The following FDFT1 variants were observed in gnomAD, a reference collection of about 807,000 sequenced individuals.
FDFT1 encodes the protein farnesyl-diphosphate farnesyltransferase 1, also known as squalene synthase.
FDFT1 carries 68 observed loss-of-function variants against 46.8 expected under a neutral mutation model. The ratio of observed to expected loss-of-function variants is 1.45; its 90% CI spans 1.19 to 1.78. The LOEUF (loss-of-function observed/expected upper bound fraction) is 1.78, where lower values mean the gene tolerates loss of function less well. FDFT1 is among the 40% of genes most tolerant of loss of function. FDFT1 has a pLI of 0.00. For synonymous variants in FDFT1, 351 were observed against 185.1 expected, an observed-to-expected ratio of 1.90 and a Z score of -7.28; for missense variants, 928 against 524.4, an observed-to-expected ratio of 1.77 and a Z score of -7.52.
upstream of FDFT1, chr8:11,802,458 A>C: frequency 2.1e-6 from 1 of 465,432 alleles, no homozygotes; most frequent in Non-Finnish European, 4.3e-6. Context: ...CAGCCGGGGT[A>C]AGCGGAAGAA....
chr8:11,831,942 A>G (rs900662871), intron 7 of FDFT1: 2 of 339,032 alleles, frequency 5.9e-6, no homozygotes, highest in Admixed American at 4.4e-5. Flanking sequence ...TTTGAGCTGC[A>G]AGATGATGCA....
At chr8:11,798,765 G>A (rs901882001), upstream of FDFT1, among the ~76,000 whole-genome samples, 5 of 152,348 alleles carry the variant, frequency 3.3e-5, no homozygotes, top group Non-Finnish European at 5.9e-5. Flanking sequence ...CATTGAGCCA[G>A]TATGTGCTGG....
intron 5 of FDFT1, among the ~76,000 whole-genome samples, chr8:11,828,163 C>T (rs1810272694): frequency 2.0e-5 from 3 of 152,226 alleles, no homozygotes; most frequent in Admixed American, 1.3e-4. Context: ...TGGCACACCC[C>T]TATAGTTCTC....
At chr8:11,821,233 T>G (rs1378962698) in intron 3 of FDFT1, among the ~76,000 whole-genome samples, 2 of 152,270 alleles carry the variant, frequency 1.3e-5, no homozygotes, top group African/African-American at 4.8e-5. Flanking sequence ...GAATCTTCTT[T>G]TGAATCTAGA....
In FDFT1 at chr8:11,830,226, A is replaced by C. The variant is rs754736055; in HGVS notation, c.703-18A>C. On this transcript the variant is annotated intron_variant, in intron 5 of 7. Coordinates refer to ENST00000220584, the MANE Select transcript of FDFT1 (RefSeq NM_004462.5). ...TATGCACACGCTGACCTGTTCCTTA[A>C]TCTTCTTATCTGTCTAGGTTTGGAG... 1.9e-6 allele frequency: 3 copies of C among 1,605,622 alleles called. No individual in the cohort carries two copies. Among genetic ancestry groups the C allele is most frequent in the Non-Finnish European group, 8.5e-7 (1 of 1,172,324 alleles).
Position 11,837,209 on chromosome 8 carries a change from C to T in FDFT1, c.1033-1179C>T, listed in dbSNP as rs78788327. Among the ~76,000 whole-genome samples the T allele has an allele frequency of 4.4e-3, 673 of 152,294 alleles. 9 individuals are homozygous for T. Among genetic ancestry groups the T allele is most frequent in the African/African-American group, 0.016 (644 of 41,534 alleles). ...GTGCAGCAGCATCGCATGGGCGAAA[C>T]AACAGTAGACAGTTGTTCTTTTGTT... is the stretch of plus-strand genomic sequence containing the variant. On this transcript the variant is annotated intron_variant, in intron 7 of 7. Coordinates refer to ENST00000220584, the MANE Select transcript of FDFT1 (RefSeq NM_004462.5).
Position 11,830,395 on chromosome 8 carries a change from T to C in FDFT1, c.854T>C (p.Val285Ala). Residue 285 changes from valine (V) to alanine (A), a missense_variant, in exon 6 of 8, where the codon GTG becomes GCG. Transcript: ENST00000220584. ...CTTTCGAGACTCAGAAACCAGAGTG[T>C]GTTTAACTTCTGTGCTATTCCACAG... The part of the protein sequence containing the change: ...TYLSRLRNQS[V>A]FNFCAIPQVM... 1.9e-6 allele frequency: 3 copies of C among 1,613,712 alleles called. No homozygotes were observed. Among genetic ancestry groups the C allele is most frequent in the Non-Finnish European group, 2.5e-6 (3 of 1,179,784 alleles).
At chr8:11,807,457 C>A (rs1016840219) in intron 1 of FDFT1, among the ~76,000 whole-genome samples, 2 of 152,184 alleles carry the variant, frequency 1.3e-5, no homozygotes. Flanking sequence ...GCCACTGCAC[C>A]CGGCCCTGTT....
upstream of FDFT1, among the ~76,000 whole-genome samples, chr8:11,799,578 G>C (rs1183783352): frequency 6.6e-6 from 1 of 152,202 alleles, no homozygotes; most frequent in Non-Finnish European, 1.5e-5. Flanking sequence ...AACTCCAAAA[G>C]GAAGGGGGTA....
chr8:11,829,029 G>T (rs1395593029), intron 5 of FDFT1, among the ~76,000 whole-genome samples: 1 of 152,148 alleles, frequency 6.6e-6, no homozygotes, highest in Non-Finnish European at 1.5e-5. Context: ...CTGAGAAGTG[G>T]AATTGCTGGT....
Position 11,838,584 on chromosome 8 carries a change from A to G in FDFT1, c.1229A>G (p.Asp410Gly). The change falls in exon 8 of 8, where the codon GAC becomes GGC. Residue 410 changes from aspartate (D) to glycine (G), a missense_variant. Physicochemically the swap from Asp to Gly is moderately conservative, Grantham distance 94. Transcript: ENST00000220584. ...ACCACTCTCTCCCAGGTAACAGAAG[A>G]CTATGTTCAGACTGGAGAACACTGA... ...YLTTLSQVTEDYVQTGEH is the reference protein window; with the variant it reads ...YLTTLSQVTEGYVQTGEH The G allele has an allele frequency of 6.2e-7, 1 of 1,613,994 alleles. No homozygotes were observed. The highest frequency in any genetic ancestry group is 8.5e-7 in the Non-Finnish European group (1 of 1,179,930).
chr8:11,828,710 G>A (rs1229222573), intron 5 of FDFT1, among the ~76,000 whole-genome samples: 1 of 152,252 alleles, frequency 6.6e-6, no homozygotes, highest in East Asian at 1.9e-4. Context: ...TGAACTTCTA[G>A]CATAGAGTGC....
intron 6 of FDFT1, 35 bp from the exon 7 acceptor site, chr8:11,831,483 T>A: frequency 1.9e-6 from 3 of 1,597,528 alleles, no homozygotes; most frequent in Non-Finnish European, 2.6e-6. Flanking sequence ...ACGACATCAT[T>A]TCTTCTTTTT....
intron 3 of FDFT1, among the ~76,000 whole-genome samples, chr8:11,810,599 G>A (rs1374222458): frequency 6.6e-6 from 1 of 152,152 alleles, no homozygotes; most frequent in Non-Finnish European, 1.5e-5. Context: ...GGAGTAAAGT[G>A]GGTTATAGTT....
intron 5 of FDFT1, among the ~76,000 whole-genome samples, chr8:11,827,845 GC>G (rs1251454157): frequency 6.6e-6 from 1 of 151,690 alleles, no homozygotes; most frequent in African/African-American, 2.4e-5. Flanking sequence ...ATCGAGACCA[GC>G]CTGGACAACG....
intron 3 of FDFT1, among the ~76,000 whole-genome samples, chr8:11,810,760 A>G (rs1218559041): frequency 6.6e-6 from 1 of 152,150 alleles, no homozygotes; most frequent in African/African-American, 2.4e-5. Context: ...CATGTTGTGT[A>G]ATAGCTCGAA....
chr8:11,838,226 T>C (rs62495675), intron 7 of FDFT1, among the ~76,000 whole-genome samples, 162 bp from the exon 8 acceptor site: 6,062 of 152,308 alleles, frequency 0.04, 196 homozygotes, highest in Middle Eastern at 0.058. Context: ...CCCCACCTTA[T>C]CATTGGGATG....
At position 11,802,877 on chromosome 8, in the gene FDFT1, C is replaced by T. The variant is rs1252412326; in HGVS notation, c.45C>T (p.Asn15=). The change falls in exon 1 of 8, where the codon AAC becomes AAT. Residue 15 remains asparagine, a synonymous_variant. Transcript: ENST00000220584. ...TTGGCCACCCCGAAGAGTTCTACAACCTGGTGCGCTTCCGGATCGGGGGCA... is the reference window on the plus strand; with the variant it reads ...TTGGCCACCCCGAAGAGTTCTACAATCTGGTGCGCTTCCGGATCGGGGGCA... ...KCLGHPEEFY[N]LVRFRIGGKR... 9 of 1,612,454 alleles carry T rather than the reference C, an allele frequency of 5.6e-6. No homozygotes were observed. In the East Asian group the frequency reaches 1.3e-4, roughly 24 times the overall value.
intron 4 of FDFT1, among the ~76,000 whole-genome samples, chr8:11,825,696 A>AT (rs34338449): frequency 6.6e-6 from 1 of 150,474 alleles, no homozygotes; most frequent in African/African-American, 2.4e-5. Flanking sequence ...CAAAAAAAAA[A>AT]TAAAAAATAA....
Sources: allele counts gnomAD v4.1 joint callset (sites outside exome capture counted in the v4.1 genomes callset), GRCh38; gene constraint gnomAD v4.1.1; transcripts MANE v1.5; gene names NCBI Gene and HGNC (gene_info 2026-07-23, HGNC 2026-07-21).